TLN2: variants seen among roughly 807,000 people sequenced by gnomAD.
TLN2 encodes the protein talin-2.
In TLN2, 118 loss-of-function variants were observed where a neutral mutation model predicts 294.7. The observed-to-expected ratio is 0.40, with a 90% CI of 0.34 to 0.47. The LOEUF (loss-of-function observed/expected upper bound fraction) is 0.47, where lower values mean the gene tolerates loss of function less well. Among genes scored for constraint, TLN2 ranks in the 20% least tolerant of loss-of-function variants. The pLI is 0.84. For missense variants in TLN2, 3,083 were observed against 3,282.2 expected (o/e 0.94, Z 1.48); for synonymous variants, 1,431 against 1,304.5 (o/e 1.10, Z -2.09).
intron 1 of TLN2, among the ~76,000 whole-genome samples, chr15:62,560,169 C>T (rs2042840379): frequency 6.6e-6 from 1 of 152,232 alleles, no homozygotes; most frequent in Non-Finnish European, 1.5e-5. Flanking sequence ...CCACAAAACA[C>T]ATCTCTTACA....
At chr15:62,723,067 C>G (rs1191016658) in intron 26 of TLN2, among the ~76,000 whole-genome samples, 3 of 152,192 alleles carry the variant, frequency 2.0e-5, no homozygotes, top group African/African-American at 4.8e-5. Context: ...ATTTACTACT[C>G]TGTTTGATGT....
chr15:62,777,034 A>G lies in TLN2; in HGVS notation c.5514+124A>G, dbSNP rs556235065. ...CTTCTTTTCTTGAAGGTTCTAGTTA[A>G]TGTACAGATATCCAGTCACATGTCC... is the stretch of plus-strand genomic sequence containing the variant. On this transcript the variant is annotated intron_variant, in intron 43 of 58. Coordinates refer to ENST00000636159, the MANE Select transcript of TLN2 (RefSeq NM_015059.3). 5.1e-5 allele frequency: 44 copies of G among 860,352 alleles called. No homozygotes were observed. The South Asian group carries it at 2.0e-3, about 39-fold the overall frequency. 53.3% of individuals were successfully genotyped at this position (860,352 alleles called of 1,614,324 possible).
intron 21 of TLN2, among the ~76,000 whole-genome samples, chr15:62,710,916 T>C (rs1319341206): frequency 2.6e-5 from 4 of 151,694 alleles, no homozygotes; most frequent in Non-Finnish European, 5.9e-5. Flanking sequence ...TTAGTAGAGA[T>C]GGGGTTTCAC....
At chr15:62,458,514 A>C (rs905346436) in intron 1 of TLN2, among the ~76,000 whole-genome samples, 1 of 150,092 alleles carries the variant, frequency 6.7e-6, no homozygotes, top group Admixed American at 6.7e-5. Flanking sequence ...AACCTCTAGG[A>C]GGGAGAGAGA....
intron 9 of TLN2, among the ~76,000 whole-genome samples, chr15:62,658,531 C>G (rs1251513159): frequency 2.0e-5 from 3 of 152,206 alleles, no homozygotes; most frequent in Admixed American, 6.5e-5. Flanking sequence ...AAGCAAACCT[C>G]TGCCCTTGGG....
At chr15:62,785,593 A>G (rs2064576880) in intron 45 of TLN2, among the ~76,000 whole-genome samples, 1 of 146,884 alleles carries the variant, frequency 6.8e-6, no homozygotes, top group African/African-American at 2.5e-5. Flanking sequence ...TGGAGGTTGC[A>G]GTGAGCCAAG....
At chr15:62,548,268 A>G (rs987558073) in intron 1 of TLN2, among the ~76,000 whole-genome samples, 3 of 152,154 alleles carry the variant, frequency 2.0e-5, no homozygotes, top group Non-Finnish European at 4.4e-5. Flanking sequence ...ATGAGGAGCT[A>G]GGAGTAGATG....
intron 51 of TLN2, among the ~76,000 whole-genome samples, chr15:62,809,343 G>A (rs1039174018): frequency 6.6e-6 from 1 of 152,130 alleles, no homozygotes; most frequent in Non-Finnish European, 1.5e-5. Context: ...TGTGTATCTC[G>A]ACTTTTGTAT....
intron 1 of TLN2, among the ~76,000 whole-genome samples, chr15:62,433,462 G>A (rs1367184172): frequency 1.3e-5 from 2 of 152,058 alleles, no homozygotes; most frequent in African/African-American, 2.4e-5. Context: ...GACCGCTGGG[G>A]CATACCACCT....
In TLN2 at chr15:62,697,775, C is replaced by G. The variant is rs576870593; in HGVS notation, c.1380C>G (p.Ser460=). 4 of 1,612,982 alleles carry G rather than the reference C, an allele frequency of 2.5e-6. No individual in the cohort carries two copies. In the Admixed American group the frequency reaches 6.7e-5, roughly 27 times the overall value. The change falls in exon 15 of 59, where the codon TCC becomes TCG. Residue 460 remains serine (S), a synonymous_variant. Coordinates refer to ENST00000636159, the MANE Select transcript of TLN2 (RefSeq NM_015059.3). The part of the protein sequence containing the change: ...VALPAVMRSG[S]SGPETFNVGS... Reference sequence around the variant, plus strand: ...TGCCGGCCGTGATGCGCTCGGGCTCCAGCGGGCCTGAGACCTTCAACGTTG... The same window carrying G: ...TGCCGGCCGTGATGCGCTCGGGCTCGAGCGGGCCTGAGACCTTCAACGTTG...
At chr15:62,450,433 G>A (rs1208965472) in intron 1 of TLN2, among the ~76,000 whole-genome samples, 1 of 137,824 alleles carries the variant, frequency 7.3e-6, no homozygotes, top group Non-Finnish European at 1.6e-5. Context: ...TCGCCTGTAG[G>A]AGATACAGTT....
In TLN2 at chr15:62,762,439, C is replaced by A; in HGVS notation, c.4947C>A (p.Leu1649=). Residue 1649 remains leucine, a synonymous_variant, in exon 39 of 59, where the codon CTC becomes CTA. Transcript: ENST00000636159. ...SHTVSDSIKS[L]ITSIRDKAPG... is the part of the protein sequence containing the mutation. ...CAGTGTCCGACTCCATCAAGAGTCTCATCACTTCTATCAGGTCAGTTTCCC... is the reference window on the plus strand; with the variant it reads ...CAGTGTCCGACTCCATCAAGAGTCTAATCACTTCTATCAGGTCAGTTTCCC... 1 of 1,614,084 alleles carries A rather than the reference C, an allele frequency of 6.2e-7. No individual in the cohort carries two copies. Among genetic ancestry groups the A allele is most frequent in the Admixed American group, 1.7e-5 (1 of 60,034 alleles).
intron 20 of TLN2, among the ~76,000 whole-genome samples, chr15:62,707,485 C>G (rs1595735334): frequency 1.3e-5 from 2 of 152,212 alleles, no homozygotes; most frequent in African/African-American, 4.8e-5. Context: ...TAGTTCATTT[C>G]TATATGCAAA....
chr15:62,595,472 G>A (rs1019219764), intron 2 of TLN2, among the ~76,000 whole-genome samples: 128 of 149,626 alleles, frequency 8.6e-4, no homozygotes, highest in Middle Eastern at 7.1e-3. Context: ...GTGGAGAAAA[G>A]GGAATGCTTG....
chr15:62,825,819 TATATATTATAATATATA>T lies in TLN2; in HGVS notation c.7002+5216_7002+5232del, dbSNP rs1405710627. Among the ~76,000 whole-genome samples the T allele has an allele frequency of 0.011, 36 of 3,280 alleles. 3 individuals are homozygous for T. The South Asian group carries it at 0.2, about 18-fold the overall frequency. The allele number at this position is 3,280 out of a possible 152,430, so 2.2% of individuals were successfully genotyped here. A position where few individuals can be genotyped will look rare whatever the true frequency, so the allele number is the denominator to read the frequency against. On this transcript the variant is annotated intron_variant, in intron 54 of 58. Coordinates refer to ENST00000636159, the MANE Select transcript of TLN2 (RefSeq NM_015059.3). The stretch of plus-strand genomic sequence containing the variant: ...ATATATATTATATATTATATTATAA[TATATATTATAATATATA>T]ATATATATAAATATATTATATATAT...
intron 24 of TLN2, among the ~76,000 whole-genome samples, chr15:62,718,009 C>A (rs957113493): frequency 6.6e-6 from 1 of 152,198 alleles, no homozygotes; most frequent in Non-Finnish European, 1.5e-5. Context: ...TTCCAGAGTG[C>A]CTTTCTTTGA....
chr15:62,700,223 T>G (rs2058632350), intron 16 of TLN2, among the ~76,000 whole-genome samples: 1 of 152,216 alleles, frequency 6.6e-6, no homozygotes, highest in South Asian at 2.1e-4. Context: ...CTTCACCAGT[T>G]TTCAAAGAAT....
intron 3 of TLN2, among the ~76,000 whole-genome samples, chr15:62,644,140 C>G (rs1205244361): frequency 2.6e-5 from 4 of 151,812 alleles, no homozygotes; most frequent in Admixed American, 6.6e-5. Context: ...CTACTCCAGG[C>G]TCTCCCCCGC....
chr15:62,721,027 C>T (rs1382110727), intron 25 of TLN2, among the ~76,000 whole-genome samples: 1 of 152,142 alleles, frequency 6.6e-6, no homozygotes, highest in Non-Finnish European at 1.5e-5. Context: ...TCCACCCTGA[C>T]AAGATTGTAG....
Sources: gnomAD v4.1 joint callset for allele counts (sites outside exome capture counted in the v4.1 genomes callset) on GRCh38, gnomAD v4.1.1 for gene constraint, MANE v1.5 for transcripts, NCBI Gene and HGNC (gene_info 2026-07-23, HGNC 2026-07-21) for gene names.